The following CEP295 variants were observed in gnomAD, a reference collection of about 807,000 sequenced individuals.
The protein encoded by CEP295 is centrosomal protein of 295 kDa.
In CEP295, 190 loss-of-function variants were observed where a neutral mutation model predicts 291.6. The ratio of observed to expected loss-of-function variants is 0.65; its 90% CI spans 0.58 to 0.73. The LOEUF (loss-of-function observed/expected upper bound fraction) is 0.73, where lower values mean the gene tolerates loss of function less well. Ranked by LOEUF, CEP295 falls within the 30% of genes least tolerant of loss-of-function variation. The pLI is 0.00. For missense variants in CEP295, 2,863 were observed against 2,949.4 expected, an observed-to-expected ratio of 0.97 and a Z score of 0.68; for synonymous variants, 993 against 1,038.8, an observed-to-expected ratio of 0.96 and a Z score of 0.85.
chr11:93,686,796 T>C lies in CEP295; in HGVS notation c.1115-848T>C, dbSNP rs144003471. Among the ~76,000 whole-genome samples, 225 of 152,326 alleles carry C rather than the reference T, an allele frequency of 1.5e-3. 1 individual carries two copies. Among genetic ancestry groups the C allele is most frequent in the African/African-American group, 5.1e-3 (213 of 41,572 alleles). On this transcript the variant is annotated intron_variant, in intron 9 of 29. Coordinates refer to ENST00000325212, the MANE Select transcript of CEP295 (RefSeq NM_033395.2). The stretch of plus-strand genomic sequence containing the variant: ...TCCACATGATCTGAAAGGTGGTACA[T>C]TGACATATGTGAAATTCAGTAAGCT...
At chr11:93,727,895 A>G (rs16919258) in intron 24 of CEP295, 3,385 of 315,412 alleles carry the variant, frequency 0.011, 114 homozygotes, top group African/African-American at 0.067. Flanking sequence ...AGAAATATCC[A>G]GCATAATGCA....
chr11:93,716,409 G>T (rs1441949568), intron 18 of CEP295, among the ~76,000 whole-genome samples: 2 of 152,198 alleles, frequency 1.3e-5, no homozygotes, highest in Non-Finnish European at 2.9e-5. Flanking sequence ...CCTCTTCAGT[G>T]CCTCTGTCAG....
intron 12 of CEP295, 51 bp from the exon 13 acceptor site, chr11:93,695,446 T>G (rs1337493027): frequency 8.2e-7 from 1 of 1,224,352 alleles, no homozygotes; most frequent in Non-Finnish European, 1.1e-6. Context: ...GTGTTATCTT[T>G]GCCTTTGTAT....
In CEP295 at chr11:93,687,865, G is replaced by A. The variant is rs1951321143; in HGVS notation, c.1336G>A (p.Val446Ile). The A allele has an allele frequency of 6.5e-7, 1 of 1,542,282 alleles. No individual in the cohort carries two copies. The highest frequency in any genetic ancestry group is 8.8e-7 in the Non-Finnish European group (1 of 1,142,336). ...AACGTTATCCTCTGGGCAGGAACAA[G>A]GTATTTCTCTCCAAGAGTCTCATTT... ...ERTLSSGQEQ[V>I]VESDTLTIES... Residue 446 changes from valine to isoleucine, a missense_variant and splice_region_variant, in exon 10 of 30, where the codon GTT becomes ATT. Val to Ile is a conservative substitution (Grantham distance 29). Coordinates refer to ENST00000325212, the MANE Select transcript of CEP295 (RefSeq NM_033395.2).
chr11:93,676,221 G>A (rs1003552365), intron 6 of CEP295, among the ~76,000 whole-genome samples: 1 of 151,948 alleles, frequency 6.6e-6, no homozygotes. Context: ...GAAAGAGAAA[G>A]TATTGGCTCC....
intron 18 of CEP295, among the ~76,000 whole-genome samples, chr11:93,713,551 A>C (rs1953050602): frequency 6.6e-6 from 1 of 151,998 alleles, no homozygotes; most frequent in Non-Finnish European, 1.5e-5. Flanking sequence ...GCTCCATTGT[A>C]TATTATTTGT....
chr11:93,725,665 A>T lies in CEP295; in HGVS notation c.6333A>T (p.Ser2111=). 3 of 1,540,584 alleles carry T rather than the reference A, an allele frequency of 1.9e-6. No homozygotes were observed. Among genetic ancestry groups the T allele is most frequent in the Non-Finnish European group, 2.6e-6 (3 of 1,144,002 alleles). The change falls in exon 23 of 30, where the codon TCA becomes TCT. Residue 2111 remains serine, a synonymous_variant. Coordinates refer to ENST00000325212, the MANE Select transcript of CEP295 (RefSeq NM_033395.2). ...TTTCCTGCCAGAGATCAGATTCTTC[A>T]TCTGAAAGCCACTGTGCTACTGGAT... is the stretch of plus-strand genomic sequence containing the variant. ...NRDFYQRSDS[S]SESHCATGLS...
At position 93,693,022 on chromosome 11, in the gene CEP295, A is replaced by T. The variant is rs1261988796; in HGVS notation, c.1533+992A>T. ...GCCGGGCCCGGTGGCTCACGCCTGTAATCCCAGCACTTTGGGAGGCTGAGG... is the reference window on the plus strand; with the variant it reads ...GCCGGGCCCGGTGGCTCACGCCTGTTATCCCAGCACTTTGGGAGGCTGAGG... On this transcript the variant is annotated intron_variant, in intron 12 of 29. Transcript: ENST00000325212. Among the ~76,000 whole-genome samples, 8 of 150,802 alleles carry T rather than the reference A, an allele frequency of 5.3e-5. 1 individual carries two copies. The highest frequency in any genetic ancestry group is 1.9e-4 in the African/African-American group (8 of 41,248).
Position 93,699,100 on chromosome 11 carries a change from C to A in CEP295, c.4188C>A (p.Ser1396=), listed in dbSNP as rs540513215. ...RISPEQVDTS[S]LPLVPQHSFA... Reference sequence around the variant, plus strand: ...CTCCCGAGCAGGTTGACACCTCTTCCTTACCCCTAGTACCACAGCATTCAT... The same window carrying A: ...CTCCCGAGCAGGTTGACACCTCTTCATTACCCCTAGTACCACAGCATTCAT... The change falls in exon 15 of 30, where the codon TCC becomes TCA. Residue 1396 remains serine, a synonymous_variant. Transcript: ENST00000325212. 2.8e-5 allele frequency: 43 copies of A among 1,548,434 alleles called. No homozygotes were observed. In the South Asian group the frequency reaches 4.8e-4, roughly 17 times the overall value.
At chr11:93,663,014 G>A (rs564976148) in intron 1 of CEP295, among the ~76,000 whole-genome samples, 1 of 152,296 alleles carries the variant, frequency 6.6e-6, no homozygotes, top group East Asian at 1.9e-4. Context: ...ATTCAACAAA[G>A]TACTTGGCCA....
chr11:93,667,793 C>G lies in CEP295; in HGVS notation c.295C>G (p.Gln99Glu), dbSNP rs759915536. 1.0e-5 allele frequency: 16 copies of G among 1,548,954 alleles called. No homozygotes were observed. The highest frequency in any genetic ancestry group is 1.4e-5 in the Non-Finnish European group (16 of 1,145,794). ...SLRSMGEGHR[Q>E]AKENEPDLDA... The stretch of plus-strand genomic sequence containing the variant: ...AAGAAGTATGGGAGAGGGACATCGA[C>G]AGGCCAAAGAAAATGTGAGTGAGAT... The change falls in exon 3 of 30, where the codon CAG becomes GAG. Residue 99 changes from glutamine to glutamate, a missense_variant. Gln to Glu is a conservative substitution (Grantham distance 29). Around this residue, in one of 3 missense-constraint regions of CEP295, gnomAD observed 554 missense variants for 576.0 expected, o/e 0.96. Coordinates refer to ENST00000325212, the MANE Select transcript of CEP295 (RefSeq NM_033395.2).
At chr11:93,671,176 C>T (rs924410257) in intron 5 of CEP295, among the ~76,000 whole-genome samples, 1 of 152,204 alleles carries the variant, frequency 6.6e-6, no homozygotes, top group Non-Finnish European at 1.5e-5. Flanking sequence ...AGCCACTGCA[C>T]CCAGCCTCGT....
At chr11:93,696,003 T>C (rs1951826916) in intron 13 of CEP295, among the ~76,000 whole-genome samples, 1 of 152,154 alleles carries the variant, frequency 6.6e-6, no homozygotes, top group African/African-American at 2.4e-5. Context: ...AAAATGCCTT[T>C]GTAATTCTTA....
intron 27 of CEP295, 28 bp downstream of exon 27, chr11:93,729,809 C>CA: frequency 6.5e-7 from 1 of 1,535,702 alleles, no homozygotes; most frequent in Non-Finnish European, 8.8e-7. Flanking sequence ...AATCTTCAAC[C>CA]AACTCCCTGA....
chr11:93,725,546 G>A, intron 22 of CEP295, 105 bp from the exon 23 acceptor site: 1 of 898,172 alleles, frequency 1.1e-6, no homozygotes, highest in South Asian at 2.0e-5. Flanking sequence ...CTGTCATAGT[G>A]AAGTGATAAT....
intron 18 of CEP295, among the ~76,000 whole-genome samples, chr11:93,718,749 A>G (rs1160759902): frequency 3.9e-5 from 6 of 152,238 alleles, no homozygotes; most frequent in Non-Finnish European, 8.8e-5. Context: ...AAAACTCACT[A>G]TAAAATTTCA....
Position 93,723,252 on chromosome 11 carries a change from T to G in CEP295, c.6159T>G (p.Asn2053Lys). Residue 2053 changes from asparagine (N) to lysine (K), a missense_variant, in exon 21 of 30, where the codon AAT (asparagine) becomes AAG (lysine). Physicochemically the swap from Asn to Lys is moderately conservative, Grantham distance 94 (BLOSUM62 0). Coordinates refer to ENST00000325212, the MANE Select transcript of CEP295 (RefSeq NM_033395.2). ...AGCAAATGATAGACAAGTACATTAA[T>G]GAAGCAAATTTGATACCTGAAAAAA... ...HFQQMIDKYI[N>K]EANLIPEKTD... The G allele has an allele frequency of 1.3e-6, 2 of 1,536,568 alleles. No homozygotes were observed. The highest frequency in any genetic ancestry group is 1.4e-5 in the African/African-American group (1 of 72,556).
At chr11:93,692,379 A>C (rs1268895943) in intron 12 of CEP295, among the ~76,000 whole-genome samples, 1 of 152,240 alleles carries the variant, frequency 6.6e-6, no homozygotes, top group Non-Finnish European at 1.5e-5. Context: ...TAATTGTTGA[A>C]TTAACAAGTC....
Position 93,669,682 on chromosome 11 carries a change from T to C in CEP295, c.440T>C (p.Ile147Thr). 3 of 1,548,792 alleles carry C rather than the reference T, an allele frequency of 1.9e-6. No individual in the cohort carries two copies. Among genetic ancestry groups the C allele is most frequent in the East Asian group, 2.5e-5 (1 of 40,806 alleles). ...GACATCTCTTGTTTCTTAAGGCATA[T>C]AAAAGCTCGAAAGGAAGCACTGCTT... ...EILLKQKTWH[I>T]KARKEALLVE... The change falls in exon 5 of 30, where the codon ATA (isoleucine) becomes ACA (threonine). Residue 147 changes from isoleucine to threonine, a missense_variant. Physicochemically the swap from Ile to Thr is moderately conservative, Grantham distance 89. Transcript: ENST00000325212.
Sources: allele counts gnomAD v4.1 joint callset (sites outside exome capture counted in the v4.1 genomes callset), GRCh38; gene constraint gnomAD v4.1.1; regional missense constraint gnomAD v4.1.1; transcripts MANE v1.5; gene names NCBI Gene and HGNC (gene_info 2026-07-23, HGNC 2026-07-21).